The following TNKS variants were observed in gnomAD, a reference collection of about 807,000 sequenced individuals.
TNKS encodes the protein poly [ADP-ribose] polymerase tankyrase-1.
Under a neutral mutation model 135.8 loss-of-function variants are expected in TNKS, and 72 were observed. That is an observed-to-expected ratio of 0.53 (90% CI 0.44 to 0.64). TNKS has a LOEUF of 0.64. Ranked by LOEUF, TNKS falls within the 30% of genes least tolerant of loss-of-function variation. The probability of loss-of-function intolerance (pLI) is 0.00; values close to 1 mark genes in which losing one functional copy is unlikely to be tolerated. For missense variants in TNKS, 1,769 were observed against 1,674.0 expected (o/e 1.06, Z -0.99); for synonymous variants, 849 against 649.3 (o/e 1.31, Z -4.68).
intron 11 of TNKS, among the ~76,000 whole-genome samples, chr8:9,716,513 T>G (rs1245805834): frequency 6.6e-6 from 1 of 152,176 alleles, no homozygotes. Flanking sequence ...TGTATATTAA[T>G]GCAAATGTGT....
At chr8:9,762,543 A>G (rs1807199246) in intron 21 of TNKS, among the ~76,000 whole-genome samples, 1 of 152,062 alleles carries the variant, frequency 6.6e-6, no homozygotes, top group African/African-American at 2.4e-5. Flanking sequence ...ATGTATGTTC[A>G]TGATAGAGTT....
intron 14 of TNKS, among the ~76,000 whole-genome samples, chr8:9,732,010 A>C (rs1033179707): frequency 3.3e-5 from 5 of 152,202 alleles, no homozygotes; most frequent in Admixed American, 6.5e-5. Flanking sequence ...GATGGTCTCA[A>C]TCTCCTGACC....
intron 5 of TNKS, among the ~76,000 whole-genome samples, chr8:9,684,829 G>A (rs1802921533): frequency 6.6e-6 from 1 of 152,058 alleles, no homozygotes; most frequent in Admixed American, 6.6e-5. Flanking sequence ...GGTTAACGGG[G>A]AGCTCAAACA....
intron 5 of TNKS, among the ~76,000 whole-genome samples, chr8:9,688,838 A>G (rs117315308): frequency 6.6e-6 from 1 of 152,126 alleles, no homozygotes; most frequent in South Asian, 2.1e-4. Flanking sequence ...ATGGCGTTTC[A>G]CTATGTTGGT....
At chr8:9,571,488 C>T (rs1797756105) in intron 1 of TNKS, among the ~76,000 whole-genome samples, 1 of 152,010 alleles carries the variant, frequency 6.6e-6, no homozygotes. Flanking sequence ...GATGGAGTCT[C>T]ACTCTGTCGC....
At chr8:9,585,654 G>A (rs1798349166) in intron 2 of TNKS, among the ~76,000 whole-genome samples, 1 of 152,178 alleles carries the variant, frequency 6.6e-6, no homozygotes, top group Admixed American at 6.5e-5. Context: ...ATAAAGAACA[G>A]TTCTGCAGCC....
intron 11 of TNKS, among the ~76,000 whole-genome samples, chr8:9,716,582 A>G (rs913827777): frequency 3.9e-5 from 6 of 152,168 alleles, no homozygotes; most frequent in African/African-American, 1.4e-4. Context: ...TAAGAATTGT[A>G]GCTGAGATTC....
At chr8:9,662,251 A>G (rs930170551) in intron 3 of TNKS, among the ~76,000 whole-genome samples, 1 of 152,220 alleles carries the variant, frequency 6.6e-6, no homozygotes, top group African/African-American at 2.4e-5. Flanking sequence ...CTGGGTATAT[A>G]CCCAAAGGAT....
chr8:9,726,212 G>A (rs1203820282), intron 12 of TNKS, among the ~76,000 whole-genome samples: 5 of 152,096 alleles, frequency 3.3e-5, no homozygotes, highest in Non-Finnish European at 7.4e-5. Flanking sequence ...GCAACATGGT[G>A]AAAACCCATC....
chr8:9,756,115 G>A lies in TNKS; in HGVS notation c.3153+3489G>A, dbSNP rs569866077. ...CCTAGAACATAAATGCTATCACTTG[G>A]AAGACTGCTTGTGGACATTTTTATG... is the stretch of plus-strand genomic sequence containing the variant. On this transcript the variant is annotated intron_variant, in intron 20 of 26. Coordinates refer to ENST00000310430, the MANE Select transcript of TNKS (RefSeq NM_003747.3). Among the ~76,000 whole-genome samples, 6 of 152,194 alleles carry A rather than the reference G, an allele frequency of 3.9e-5. No homozygotes were observed. In the South Asian group the frequency reaches 1.0e-3, roughly 26 times the overall value.
intron 11 of TNKS, among the ~76,000 whole-genome samples, chr8:9,719,445 G>GTTTA: frequency 6.6e-6 from 1 of 152,090 alleles, no homozygotes; most frequent in Non-Finnish European, 1.5e-5. Flanking sequence ...AATAACCTTA[G>GTTTA]TTTAACTCAA....
intron 13 of TNKS, among the ~76,000 whole-genome samples, chr8:9,730,326 C>G (rs1805371901): frequency 6.6e-6 from 1 of 152,126 alleles, no homozygotes; most frequent in Admixed American, 6.6e-5. Context: ...ACCAGTTTAA[C>G]TTGTAAAGGT....
At chr8:9,562,588 T>G (rs1457347027) in intron 1 of TNKS, among the ~76,000 whole-genome samples, 3 of 152,218 alleles carry the variant, frequency 2.0e-5, no homozygotes, top group African/African-American at 7.2e-5. Context: ...AGTATATATG[T>G]GAGTGTTGCT....
At chr8:9,578,128 G>T (rs539556555) in intron 1 of TNKS, among the ~76,000 whole-genome samples, 5 of 152,168 alleles carry the variant, frequency 3.3e-5, no homozygotes. Flanking sequence ...CACCCCTGTG[G>T]CTTTGCAGGA....
chr8:9,637,046 G>A (rs1348515120), intron 3 of TNKS, among the ~76,000 whole-genome samples: 2 of 152,160 alleles, frequency 1.3e-5, no homozygotes, highest in Admixed American at 6.5e-5. Context: ...GAGTGGACAT[G>A]CAGAAGAATA....
chr8:9,763,250 A>C lies in TNKS; in HGVS notation c.3372+6A>C. On this transcript the variant is annotated splice_donor_region_variant and intron_variant, in intron 22 of 26. Coordinates refer to ENST00000310430, the MANE Select transcript of TNKS (RefSeq NM_003747.3). ...ATCAGTCAGTGGAAGAAGAGGTAAT[A>C]TACATCAGAAATCTTTCATTTGCTT... The C allele has an allele frequency of 6.5e-7, 1 of 1,549,490 alleles. No individual in the cohort carries two copies. Among genetic ancestry groups the C allele is most frequent in the African/African-American group, 1.4e-5 (1 of 73,330 alleles).
intron 2 of TNKS, among the ~76,000 whole-genome samples, chr8:9,583,391 A>G (rs368781891): frequency 1.3e-5 from 2 of 152,010 alleles, no homozygotes; most frequent in East Asian, 1.9e-4. Flanking sequence ...AAATCAATAC[A>G]TTTTCTGCCT....
chr8:9,557,030 C>T (rs1815348614), intron 1 of TNKS: 2 of 256,948 alleles, frequency 7.8e-6, no homozygotes, highest in Non-Finnish European at 1.5e-5. Context: ...TTTAATACAA[C>T]CCAACACATG....
chr8:9,753,947 T>A (rs1278973965), intron 20 of TNKS, among the ~76,000 whole-genome samples: 1 of 152,230 alleles, frequency 6.6e-6, no homozygotes, highest in Admixed American at 6.5e-5. Context: ...GAGAATCTAT[T>A]CCATGCCTCT....
Sources: gnomAD v4.1 joint callset for allele counts (sites outside exome capture counted in the v4.1 genomes callset) on GRCh38, gnomAD v4.1.1 for gene constraint, MANE v1.5 for transcripts, NCBI Gene and HGNC (gene_info 2026-07-23, HGNC 2026-07-21) for gene names.